CACHD1: variants seen among roughly 807,000 people sequenced by gnomAD.
CACHD1 encodes the protein cache domain containing 1, also known as VWFA and cache domain-containing protein 1.
CACHD1 carries 71 observed loss-of-function variants against 138.7 expected under a neutral mutation model. The ratio of observed to expected loss-of-function variants is 0.51; its 90% CI spans 0.42 to 0.62. The LOEUF (loss-of-function observed/expected upper bound fraction) is 0.62, where lower values mean the gene tolerates loss of function less well. Ranked by LOEUF, CACHD1 falls within the 20% of genes least tolerant of loss-of-function variation. CACHD1 has a pLI of 0.00. For synonymous variants in CACHD1, 578 were observed against 591.5 expected (o/e 0.98, Z 0.33); for missense variants, 1,389 against 1,625.3 (o/e 0.85, Z 2.50).
intron 26 of CACHD1, among the ~76,000 whole-genome samples, chr1:64,689,389 C>G (rs1222323719): frequency 6.6e-6 from 1 of 152,094 alleles, no homozygotes; most frequent in Non-Finnish European, 1.5e-5. Flanking sequence ...CCCCACAGTC[C>G]CCCACATCTG....
At chr1:64,481,950 T>C (rs1313444054) in intron 1 of CACHD1, among the ~76,000 whole-genome samples, 1 of 152,058 alleles carries the variant, frequency 6.6e-6, no homozygotes, top group Non-Finnish European at 1.5e-5. Context: ...TAGGAAAAAA[T>C]ATATTACAGA....
chr1:64,473,765 T>C (rs952646881), intron 1 of CACHD1, among the ~76,000 whole-genome samples: 1 of 152,236 alleles, frequency 6.6e-6, no homozygotes, highest in Admixed American at 6.5e-5. Context: ...TTTATATTGC[T>C]TCTGCTGCTG....
In CACHD1 at chr1:64,669,110, C is replaced by G. The variant is rs190652097; in HGVS notation, c.2388-2454C>G. On this transcript the variant is annotated intron_variant, in intron 16 of 26. Transcript: ENST00000651257. ...AAATTAAATAATATGTGTCAGTCTC[C>G]TAGAACAGTGCCTGGTATCTGGTAA... is the stretch of plus-strand genomic sequence containing the variant. 2.0e-5 allele frequency among the ~76,000 whole-genome samples: 3 copies of G among 152,262 alleles called. No individual in the cohort carries two copies. The East Asian group carries it at 5.8e-4, about 29-fold the overall frequency.
chr1:64,528,617 AT>A (rs1187693666), intron 1 of CACHD1, among the ~76,000 whole-genome samples: 1 of 152,110 alleles, frequency 6.6e-6, no homozygotes, highest in Non-Finnish European at 1.5e-5. Flanking sequence ...TTTATTTTTT[AT>A]TTAATGTTAA....
chr1:64,615,147 C>T (rs1647668174), intron 4 of CACHD1, among the ~76,000 whole-genome samples: 1 of 152,214 alleles, frequency 6.6e-6, no homozygotes, highest in South Asian at 2.1e-4. Context: ...ACGCTGCCAG[C>T]CGCCTCTGAC....
intron 3 of CACHD1, among the ~76,000 whole-genome samples, chr1:64,588,242 A>G (rs769771834): frequency 9.9e-5 from 15 of 152,160 alleles, no homozygotes; most frequent in Non-Finnish European, 1.9e-4. Flanking sequence ...CAACTTAAAA[A>G]TGTCCATTCT....
intron 7 of CACHD1, among the ~76,000 whole-genome samples, chr1:64,639,823 C>G (rs1648645110): frequency 6.6e-6 from 1 of 152,204 alleles, no homozygotes; most frequent in South Asian, 2.1e-4. Context: ...TCTTTATTGT[C>G]TCATAGTTTC....
intron 1 of CACHD1, among the ~76,000 whole-genome samples, chr1:64,514,300 G>T (rs1405079433): frequency 6.6e-6 from 1 of 152,170 alleles, no homozygotes; most frequent in Non-Finnish European, 1.5e-5. Context: ...TTTATCACTT[G>T]TTGGTAATAA....
intron 8 of CACHD1, among the ~76,000 whole-genome samples, chr1:64,644,618 T>G (rs1648843082): frequency 6.6e-6 from 1 of 152,242 alleles, no homozygotes; most frequent in Admixed American, 6.5e-5. Context: ...TCTCAGCATC[T>G]TTTTCTCTTC....
chr1:64,514,256 G>A lies in CACHD1; in HGVS notation c.199-36338G>A, dbSNP rs201991359. 3.0e-4 allele frequency among the ~76,000 whole-genome samples: 46 copies of A among 152,308 alleles called. No homozygotes were observed. In the East Asian group the frequency reaches 8.3e-3, roughly 27 times the overall value. On this transcript the variant is annotated intron_variant, in intron 1 of 26. Transcript: ENST00000651257. Reference sequence around the variant, plus strand: ...AGTGAAACCTGGAATGATTGCCAGTGAATGCTTTTTGTGGCCTTGGAAATT... The same window carrying A: ...AGTGAAACCTGGAATGATTGCCAGTAAATGCTTTTTGTGGCCTTGGAAATT...
chr1:64,568,422 A>C (rs1646900570), intron 2 of CACHD1, among the ~76,000 whole-genome samples: 1 of 152,108 alleles, frequency 6.6e-6, no homozygotes, highest in Non-Finnish European at 1.5e-5. Flanking sequence ...GAACTCCCGG[A>C]TCTCTCTTCC....
chr1:64,632,674 A>G lies in CACHD1; in HGVS notation c.720A>G (p.Thr240=). 1 of 1,614,180 alleles carries G rather than the reference A, an allele frequency of 6.2e-7. No homozygotes were observed. The change falls in exon 6 of 27, where the codon ACA becomes ACG. Residue 240 remains threonine, a synonymous_variant. Transcript: ENST00000651257. ...VVILDHGASV[T]DTQLQIAKDA... is the part of the protein sequence containing the mutation. The stretch of plus-strand genomic sequence containing the variant: ...TTCTGGACCACGGGGCTTCAGTCAC[A>G]GACACTCAGCTTCAGATTGCCAAGG...
chr1:64,657,203 T>C (rs1014176363), intron 12 of CACHD1, among the ~76,000 whole-genome samples: 1 of 152,124 alleles, frequency 6.6e-6, no homozygotes, highest in Non-Finnish European at 1.5e-5. Flanking sequence ...GGATCCCATG[T>C]TATAATCAGT....
chr1:64,644,876 T>A (rs1648852571), intron 8 of CACHD1, among the ~76,000 whole-genome samples: 1 of 152,216 alleles, frequency 6.6e-6, no homozygotes, highest in Non-Finnish European at 1.5e-5. Context: ...GGCAGGCGGA[T>A]CACCTGAGGT....
Position 64,641,778 on chromosome 1 carries a change from T to G in CACHD1, c.1007-42T>G, listed in dbSNP as rs372690930. 11 of 1,458,698 alleles carry G rather than the reference T, an allele frequency of 7.5e-6. No homozygotes were observed. The African/African-American group carries it at 1.3e-4, about 17-fold the overall frequency. 90.4% of individuals were successfully genotyped at this position (1,458,698 alleles called of 1,614,324 possible). A position where few individuals can be genotyped will look rare whatever the true frequency, so the allele number is the denominator to read the frequency against. On this transcript the variant is annotated intron_variant, in intron 7 of 26. Transcript: ENST00000651257. ...AGGAAACTGAACTGCTGCCTTTAGC[T>G]GGAATCCAAAGAGAGCATTCAATTG...
Position 64,558,878 on chromosome 1 carries a change from A to G in CACHD1, c.261+8222A>G, listed in dbSNP as rs537232386. The stretch of plus-strand genomic sequence containing the variant: ...TCAAAAGAAGACATACATCTTCCCA[A>G]CAAGCATATGAAGAAAAGCTCAATA... On this transcript the variant is annotated intron_variant, in intron 2 of 26. Coordinates refer to ENST00000651257, the MANE Select transcript of CACHD1 (RefSeq NM_020925.4). Among the ~76,000 whole-genome samples the G allele has an allele frequency of 5.9e-5, 9 of 152,336 alleles. No homozygotes were observed. The South Asian group carries it at 1.5e-3, about 25-fold the overall frequency.
At chr1:64,539,256 C>T (rs2100423350) in intron 1 of CACHD1, among the ~76,000 whole-genome samples, 1 of 152,280 alleles carries the variant, frequency 6.6e-6, no homozygotes, top group South Asian at 2.1e-4. Flanking sequence ...TCTTAAAGCA[C>T]CTATTTTATC....
chr1:64,597,780 A>G (rs1647168667), intron 3 of CACHD1, among the ~76,000 whole-genome samples: 1 of 152,084 alleles, frequency 6.6e-6, no homozygotes, highest in South Asian at 2.1e-4. Flanking sequence ...ATGAAAATCT[A>G]TGATTTTACC....
intron 3 of CACHD1, among the ~76,000 whole-genome samples, chr1:64,590,322 CAAAAA>C (rs67217249): frequency 5.8e-5 from 5 of 86,208 alleles, no homozygotes; most frequent in African/African-American, 4.2e-5. Context: ...GACTCTGTCT[CAAAAA>C]AAAAAAAAAA....
Sources: allele counts gnomAD v4.1 joint callset (sites outside exome capture counted in the v4.1 genomes callset), GRCh38; gene constraint gnomAD v4.1.1; transcripts MANE v1.5; gene names NCBI Gene and HGNC (gene_info 2026-07-23, HGNC 2026-07-21).